The following RPIA variants were observed in gnomAD, a reference collection of about 807,000 sequenced individuals.
RPIA encodes ribose 5-phosphate isomerase A.
Under a neutral mutation model 37.8 loss-of-function variants are expected in RPIA, and 29 were observed. The observed-to-expected ratio is 0.77, with a 90% CI of 0.57 to 1.05. RPIA has a LOEUF of 1.05. Among genes scored for constraint, RPIA ranks in the 50% least tolerant of loss-of-function variants. RPIA has a pLI of 0.00. For synonymous variants in RPIA, 167 were observed against 157.0 expected, an observed-to-expected ratio of 1.06 and a Z score of -0.48; for missense variants, 385 against 413.6, an observed-to-expected ratio of 0.93 and a Z score of 0.60.
At chr2:88,739,033 G>T (rs891400182) in intron 8 of RPIA, among the ~76,000 whole-genome samples, 1 of 152,208 alleles carries the variant, frequency 6.6e-6, no homozygotes, top group Non-Finnish European at 1.5e-5. Flanking sequence ...ATGGCCCTGC[G>T]TGAAGGATGG....
intron 3 of RPIA, among the ~76,000 whole-genome samples, chr2:88,723,939 G>T (rs1673165070): frequency 6.6e-6 from 1 of 152,116 alleles, no homozygotes; most frequent in Non-Finnish European, 1.5e-5. Context: ...CAGGTCATAA[G>T]TATATAAGAG....
At chr2:88,740,378 A>G (rs2104141421) in intron 8 of RPIA, among the ~76,000 whole-genome samples, 1 of 152,350 alleles carries the variant, frequency 6.6e-6, no homozygotes, top group Admixed American at 6.5e-5. Context: ...TAGCTATTAA[A>G]TCATATAATG....
At position 88,735,645 on chromosome 2, in the gene RPIA, T is replaced by C. The variant is rs202132170; in HGVS notation, c.528-24T>C. 10 of 1,612,612 alleles carry C rather than the reference T, an allele frequency of 6.2e-6. No homozygotes were observed. The African/African-American group carries it at 9.3e-5, about 15-fold the overall frequency. On this transcript the variant is annotated intron_variant, in intron 5 of 8. Transcript: ENST00000283646. ...AACTGAGATTTTTGTCTTACTCCTG[T>C]GTTCCTTTGCTTCTTTCCTGCAGAG...
intron 3 of RPIA, among the ~76,000 whole-genome samples, chr2:88,718,628 CA>C (rs1673065557): frequency 6.6e-6 from 1 of 152,132 alleles, no homozygotes; most frequent in African/African-American, 2.4e-5. Flanking sequence ...CTCCATAAGT[CA>C]GTTTGATTTC....
chr2:88,739,374 T>G (rs1445720280), intron 8 of RPIA, among the ~76,000 whole-genome samples: 1 of 152,176 alleles, frequency 6.6e-6, no homozygotes, highest in East Asian at 1.9e-4. Flanking sequence ...TTTCTTCCTA[T>G]GTAGAAGGGG....
chr2:88,705,220 A>G (rs536052842), intron 3 of RPIA, among the ~76,000 whole-genome samples: 1 of 152,310 alleles, frequency 6.6e-6, no homozygotes, highest in Admixed American at 6.5e-5. Flanking sequence ...AAACTACCCT[A>G]AAATTCATAT....
At position 88,717,673 on chromosome 2, in the gene RPIA, C is replaced by T. The variant is rs116578385; in HGVS notation, c.403-11605C>T. Among the ~76,000 whole-genome samples the T allele has an allele frequency of 6.2e-3, 948 of 152,226 alleles. 11 individuals carry two copies. Among genetic ancestry groups the T allele is most frequent in the African/African-American group, 0.021 (882 of 41,532 alleles). On this transcript the variant is annotated intron_variant, in intron 3 of 8. Coordinates refer to ENST00000283646, the MANE Select transcript of RPIA (RefSeq NM_144563.3). ...AGATTTATTTTCCTTTTACATTTCC[C>T]CCCTTTCTTTTAAAAAATCTTTTGG... is the stretch of plus-strand genomic sequence containing the variant.
chr2:88,702,529 A>G (rs908636485), intron 3 of RPIA, among the ~76,000 whole-genome samples: 2 of 140,606 alleles, frequency 1.4e-5, no homozygotes, highest in Non-Finnish European at 3.1e-5. Context: ...AGGAAGACAC[A>G]AAAGCAACCT....
intron 3 of RPIA, among the ~76,000 whole-genome samples, chr2:88,714,464 G>A (rs1328303388): frequency 6.6e-6 from 1 of 152,184 alleles, no homozygotes; most frequent in Non-Finnish European, 1.5e-5. Context: ...GAGCCACTGT[G>A]CCTGGCCCCT....
chr2:88,734,231 G>A (rs1480323126), intron 4 of RPIA, among the ~76,000 whole-genome samples: 1 of 152,020 alleles, frequency 6.6e-6, no homozygotes, highest in Non-Finnish European at 1.5e-5. Flanking sequence ...GCCTCTTGGG[G>A]GAGGTGATAG....
chr2:88,691,714 C>T lies in RPIA; in HGVS notation c.16C>T (p.Pro6Ser), dbSNP rs368598511. ...AGGCGTCGGGATGCAGCGCCCCGGG[C>T]CCTTCAGCACCCTCTACGGGCGGGT... The part of the protein sequence containing the change: MQRPG[P>S]FSTLYGRVLA... The change falls in exon 1 of 9, where the codon CCC becomes TCC. Residue 6 changes from proline to serine, a missense_variant. Around this residue, in one of 2 missense-constraint regions of RPIA, gnomAD observed 232 missense variants for 203.0 expected, o/e 1.14. Transcript: ENST00000283646. The T allele has an allele frequency of 9.3e-5, 146 of 1,577,800 alleles. No individual in the cohort carries two copies. Among genetic ancestry groups the T allele is most frequent in the African/African-American group, 1.2e-4 (9 of 73,952 alleles).
In RPIA at chr2:88,706,594, A is replaced by G. The variant is rs187957233; in HGVS notation, c.402+6530A>G. On this transcript the variant is annotated intron_variant, in intron 3 of 8. Transcript: ENST00000283646. ...GGGAGAGCATCAGGGTAAATAGCTA[A>G]TGCATGCAGGGCTTAATATCTAGGT... Among the ~76,000 whole-genome samples the G allele has an allele frequency of 3.9e-4, 60 of 152,180 alleles. No homozygotes were observed. In the East Asian group the frequency reaches 9.5e-3, roughly 24 times the overall value.
intron 8 of RPIA, among the ~76,000 whole-genome samples, chr2:88,748,756 G>A (rs1271539213): frequency 1.3e-5 from 2 of 152,098 alleles, no homozygotes; most frequent in Non-Finnish European, 2.9e-5. Flanking sequence ...CTGTCACCCA[G>A]GCTGTAGTAC....
intron 4 of RPIA, 67 bp from the exon 5 acceptor site, chr2:88,734,485 A>G: frequency 6.9e-7 from 1 of 1,458,588 alleles, no homozygotes; most frequent in Non-Finnish European, 9.6e-7. Context: ...GAGCTATCGC[A>G]TGCTCAGGCA....
At chr2:88,713,433 G>A (rs1290336220) in intron 3 of RPIA, among the ~76,000 whole-genome samples, 1 of 152,016 alleles carries the variant, frequency 6.6e-6, no homozygotes, top group African/African-American at 2.4e-5. Flanking sequence ...TTGTCTTCTG[G>A]TTTTTAATTT....
At chr2:88,726,795 G>A (rs1056807964) in intron 3 of RPIA, among the ~76,000 whole-genome samples, 1 of 152,174 alleles carries the variant, frequency 6.6e-6, no homozygotes, top group African/African-American at 2.4e-5. Flanking sequence ...AGACTGGAGT[G>A]CAGTGGCACT....
chr2:88,727,042 A>G (rs1673205763), intron 3 of RPIA, among the ~76,000 whole-genome samples: 1 of 152,144 alleles, frequency 6.6e-6, no homozygotes, highest in Admixed American at 6.5e-5. Flanking sequence ...CATGGCTGTT[A>G]GCGATGTGTT....
intron 3 of RPIA, among the ~76,000 whole-genome samples, chr2:88,718,893 T>G (rs551064684): frequency 6.6e-6 from 1 of 151,160 alleles, no homozygotes; most frequent in Non-Finnish European, 1.5e-5. Context: ...TAAAAGAAGT[T>G]TTTTTGACTC....
intron 3 of RPIA, among the ~76,000 whole-genome samples, chr2:88,725,353 A>T (rs1418039931): frequency 6.6e-6 from 1 of 152,040 alleles, no homozygotes; most frequent in Non-Finnish European, 1.5e-5. Context: ...TAAAAAAAAA[A>T]AAACAGAAAT....
Sources: allele counts gnomAD v4.1 joint callset (sites outside exome capture counted in the v4.1 genomes callset), GRCh38; gene constraint gnomAD v4.1.1; regional missense constraint gnomAD v4.1.1; transcripts MANE v1.5; gene names NCBI Gene and HGNC (gene_info 2026-07-23, HGNC 2026-07-21).